STAG1: variants seen among roughly 807,000 people sequenced by gnomAD.
STAG1 encodes the protein STAG1 cohesin complex component.
In STAG1, 26 loss-of-function variants were observed where a neutral mutation model predicts 170.9. The observed-to-expected ratio is 0.15, with a 90% confidence interval of 0.11 to 0.21. The LOEUF (loss-of-function observed/expected upper bound fraction) is 0.21, where lower values mean the gene tolerates loss of function less well. Ranked by LOEUF, STAG1 falls within the 10% of genes least tolerant of loss-of-function variation. STAG1 has a pLI of 1.00. For missense variants in STAG1, 964 were observed against 1,509.5 expected (o/e 0.64, Z 5.99); for synonymous variants, 514 against 497.7 (o/e 1.03, Z -0.44).
chr3:136,356,940 A>C (rs1187766617), intron 28 of STAG1, among the ~76,000 whole-genome samples: 1 of 145,786 alleles, frequency 6.9e-6, no homozygotes, highest in Non-Finnish European at 1.5e-5. Flanking sequence ...TTTTTTTTAA[A>C]TTTTTTATTT....
intron 3 of STAG1, among the ~76,000 whole-genome samples, chr3:136,617,733 A>T (rs1939663162): frequency 6.6e-6 from 1 of 152,144 alleles, no homozygotes; most frequent in Non-Finnish European, 1.5e-5. Context: ...CTGCCACCAC[A>T]TTGTAACATG....
chr3:136,576,403 C>A (rs1937455806), intron 4 of STAG1, among the ~76,000 whole-genome samples: 1 of 152,056 alleles, frequency 6.6e-6, no homozygotes, highest in Non-Finnish European at 1.5e-5. Context: ...CAAAGAAAAC[C>A]TCGAGACCTG....
At chr3:136,493,458 G>A (rs755887004) in intron 9 of STAG1, among the ~76,000 whole-genome samples, 3 of 151,522 alleles carry the variant, frequency 2.0e-5, no homozygotes, top group East Asian at 1.9e-4. Flanking sequence ...AGTTCAACAC[G>A]AGCCTGGACA....
chr3:136,640,836 G>A (rs1043963931), intron 1 of STAG1, among the ~76,000 whole-genome samples: 34 of 150,574 alleles, frequency 2.3e-4, no homozygotes, highest in South Asian at 2.1e-4. Flanking sequence ...CAACATGCCC[G>A]GCTAATTTTT....
intron 9 of STAG1, among the ~76,000 whole-genome samples, chr3:136,490,051 A>T (rs577563610): frequency 1.3e-5 from 2 of 152,098 alleles, no homozygotes; most frequent in South Asian, 2.1e-4. Context: ...ATTTAATTTA[A>T]TTTTTTTGGG....
At chr3:136,391,557 A>C (rs982484810) in intron 22 of STAG1, among the ~76,000 whole-genome samples, 1 of 151,926 alleles carries the variant, frequency 6.6e-6, no homozygotes, top group Non-Finnish European at 1.5e-5. Context: ...TTGTATTTTT[A>C]GTAGAGACAG....
At chr3:136,425,030 G>C (rs1248909571) in intron 16 of STAG1, among the ~76,000 whole-genome samples, 1 of 152,016 alleles carries the variant, frequency 6.6e-6, no homozygotes, top group African/African-American at 2.4e-5. Flanking sequence ...AGTAGAGATG[G>C]GGTTTCATCA....
intron 9 of STAG1, among the ~76,000 whole-genome samples, chr3:136,485,174 C>G (rs2089981607): frequency 6.6e-6 from 1 of 152,160 alleles, no homozygotes. Flanking sequence ...AGTAGCTCTA[C>G]TGGCCAGGCA....
intron 3 of STAG1, among the ~76,000 whole-genome samples, chr3:136,606,174 A>T (rs1238301015): frequency 6.6e-6 from 1 of 152,070 alleles, no homozygotes; most frequent in Non-Finnish European, 1.5e-5. Context: ...CACTAACAAA[A>T]GCCCATACTT....
chr3:136,653,131 G>C (rs1396735624), intron 1 of STAG1, among the ~76,000 whole-genome samples: 2 of 152,088 alleles, frequency 1.3e-5, no homozygotes, highest in Non-Finnish European at 2.9e-5. Context: ...AATTTGCCAG[G>C]CGTGGTGGTG....
At chr3:136,473,049 A>T (rs549954476) in intron 11 of STAG1, among the ~76,000 whole-genome samples, 1 of 152,256 alleles carries the variant, frequency 6.6e-6, no homozygotes, top group South Asian at 2.1e-4. Flanking sequence ...AGTCTTGTCA[A>T]ATCAGCAGTG....
intron 7 of STAG1, among the ~76,000 whole-genome samples, chr3:136,505,342 G>C (rs560944925): frequency 6.6e-6 from 1 of 152,328 alleles, no homozygotes; most frequent in South Asian, 2.1e-4. Context: ...TTCTAGTACA[G>C]TGGTACTGAT....
At chr3:136,478,144 C>A (rs982188890) in intron 9 of STAG1, among the ~76,000 whole-genome samples, 2 of 152,076 alleles carry the variant, frequency 1.3e-5, no homozygotes, top group East Asian at 3.8e-4. Flanking sequence ...AAGAAAAAGC[C>A]CACTTTATTC....
At chr3:136,371,467 T>C (rs1441914037) in intron 23 of STAG1, among the ~76,000 whole-genome samples, 4 of 152,234 alleles carry the variant, frequency 2.6e-5, no homozygotes, top group Admixed American at 1.3e-4. Context: ...TAGGTTTTCT[T>C]CTAGGGTTTT....
intron 10 of STAG1, among the ~76,000 whole-genome samples, chr3:136,473,978 T>G (rs541998718): frequency 6.6e-6 from 1 of 152,328 alleles, no homozygotes; most frequent in African/African-American, 2.4e-5. Context: ...GTCCTTTATG[T>G]AATTATTGAA....
At chr3:136,601,996 A>G (rs1938696976) in intron 4 of STAG1, among the ~76,000 whole-genome samples, 1 of 152,212 alleles carries the variant, frequency 6.6e-6, no homozygotes. Context: ...TGTTAATATT[A>G]AAAATAAGGA....
intron 4 of STAG1, among the ~76,000 whole-genome samples, chr3:136,603,028 G>T (rs1242380345): frequency 6.6e-6 from 1 of 151,808 alleles, no homozygotes; most frequent in Admixed American, 6.6e-5. Flanking sequence ...CAAATTCCAG[G>T]ACTCTTGAAC....
At position 136,467,632 on chromosome 3, in the gene STAG1, T is replaced by C. The variant is rs189861155; in HGVS notation, c.1206-2644A>G. 7.9e-5 allele frequency among the ~76,000 whole-genome samples: 12 copies of C among 152,228 alleles called. No homozygotes were observed. In the East Asian group the frequency reaches 9.7e-4, roughly 12 times the overall value. ...GAAAGTTAAAAAGGATATCCAGGAATTGAACTCAGCTCTGCACCAAGCGGA... is the reference window on the plus strand; with the variant it reads ...GAAAGTTAAAAAGGATATCCAGGAACTGAACTCAGCTCTGCACCAAGCGGA... On this transcript the variant is annotated intron_variant, in intron 12 of 33. Transcript: ENST00000383202.
chr3:136,447,643 G>C (rs1033057960), intron 14 of STAG1, among the ~76,000 whole-genome samples: 48 of 103,160 alleles, frequency 4.7e-4, no homozygotes, highest in Non-Finnish European at 7.4e-4. Flanking sequence ...GTCTTAAACT[G>C]TCGCCCAGGC....
Sources: allele counts gnomAD v4.1 joint callset (sites outside exome capture counted in the v4.1 genomes callset), GRCh38; gene constraint gnomAD v4.1.1; transcripts MANE v1.5; gene names NCBI Gene and HGNC (gene_info 2026-07-23, HGNC 2026-07-21).